Variants in CDK5RAP2 observed in about 807,000 individuals in gnomAD.
CDK5RAP2 encodes the protein CDK5 regulatory subunit associated protein 2.
CDK5RAP2 carries 147 observed loss-of-function variants against 232.9 expected under a neutral mutation model. The ratio of observed to expected loss-of-function variants is 0.63; its 90% CI spans 0.55 to 0.72. The LOEUF (loss-of-function observed/expected upper bound fraction) is 0.72, where lower values mean the gene tolerates loss of function less well. Among genes scored for constraint, CDK5RAP2 ranks in the 30% least tolerant of loss-of-function variants. The pLI is 0.00. For synonymous variants in CDK5RAP2, 833 were observed against 833.7 expected (o/e 1.00, Z 0.01); for missense variants, 2,195 against 2,231.5 (o/e 0.98, Z 0.33).
chr9:120,504,200 C>A (rs1330596917), intron 12 of CDK5RAP2, among the ~76,000 whole-genome samples: 1 of 152,002 alleles, frequency 6.6e-6, no homozygotes, highest in Non-Finnish European at 1.5e-5. Flanking sequence ...AGGGTGTGTG[C>A]AGCTTAGGGA....
At chr9:120,462,604 A>G (rs1304744588) in intron 18 of CDK5RAP2, among the ~76,000 whole-genome samples, 1 of 152,260 alleles carries the variant, frequency 6.6e-6, no homozygotes, top group Non-Finnish European at 1.5e-5. Context: ...TGCACTAACC[A>G]CATGGATGAA....
At chr9:120,558,106 G>A (rs2132105847) in intron 3 of CDK5RAP2, among the ~76,000 whole-genome samples, 1 of 143,272 alleles carries the variant, frequency 7.0e-6, no homozygotes, top group African/African-American at 2.5e-5. Context: ...TGGGCACGGT[G>A]ACTCACGCCT....
At chr9:120,391,153 G>T (rs2031931642) in intron 36 of CDK5RAP2, among the ~76,000 whole-genome samples, 1 of 152,090 alleles carries the variant, frequency 6.6e-6, no homozygotes, top group South Asian at 2.1e-4. Flanking sequence ...TCACCAAGGG[G>T]CCTGAGACCC....
In CDK5RAP2 at chr9:120,474,658, T is replaced by C. The variant is rs555661693; in HGVS notation, c.1727+2692A>G. Among the ~76,000 whole-genome samples the C allele has an allele frequency of 2.0e-3, 309 of 152,326 alleles. 1 individual carries two copies. The highest frequency in any genetic ancestry group is 3.4e-3 in the Non-Finnish European group (230 of 68,024). ...CTGCGGAACACCGGGTGTCTTAGAATGCACATTTCCACTTCTGTAATTTGG... is the reference window on the plus strand; with the variant it reads ...CTGCGGAACACCGGGTGTCTTAGAACGCACATTTCCACTTCTGTAATTTGG... On this transcript the variant is annotated intron_variant, in intron 15 of 37. Transcript: ENST00000349780.
intron 23 of CDK5RAP2, among the ~76,000 whole-genome samples, chr9:120,442,966 G>A (rs1283779688): frequency 6.6e-6 from 1 of 151,990 alleles, no homozygotes; most frequent in African/African-American, 2.4e-5. Context: ...TTTTAATGAA[G>A]GGGGAAAAAT....
At chr9:120,489,293 T>C (rs1407666376) in intron 13 of CDK5RAP2, among the ~76,000 whole-genome samples, 1 of 152,256 alleles carries the variant, frequency 6.6e-6, no homozygotes, top group Non-Finnish European at 1.5e-5. Flanking sequence ...TATCCCTCTG[T>C]TCTAAAATTT....
rs143361777 is a variant in CDK5RAP2, at chr9:120,448,068, A to C, written c.2852T>G (p.Met951Arg). Residue 951 changes from methionine (M) to arginine (R), a missense_variant, in exon 22 of 38, where the codon ATG (methionine) becomes AGG (arginine). Coordinates refer to ENST00000349780, the MANE Select transcript of CDK5RAP2 (RefSeq NM_018249.6). ...LIKPSRSLGNMYRLPATQEVV... is the reference protein window; with the variant it reads ...LIKPSRSLGNRYRLPATQEVV... Reference sequence around the variant, plus strand: ...CTCCTGGGTGGCAGGGAGACGATACATATTTCCTAATGACCGGGATGGTTT... The same window carrying C: ...CTCCTGGGTGGCAGGGAGACGATACCTATTTCCTAATGACCGGGATGGTTT... 7.4e-6 allele frequency: 12 copies of C among 1,614,046 alleles called. No individual in the cohort carries two copies. The highest frequency in any genetic ancestry group is 2.2e-5 in the East Asian group (1 of 44,894).
intron 26 of CDK5RAP2, among the ~76,000 whole-genome samples, chr9:120,420,815 AGGCTTGCTGCT>A (rs1467409449): frequency 6.6e-6 from 1 of 152,258 alleles, no homozygotes; most frequent in Non-Finnish European, 1.5e-5. Context: ...ATGGATGCAC[AGGCTTGCTGCT>A]GGCTTGCAGA....
chr9:120,500,755 TAC>T (rs1254756643), intron 12 of CDK5RAP2, among the ~76,000 whole-genome samples: 4 of 152,232 alleles, frequency 2.6e-5, no homozygotes, highest in Non-Finnish European at 5.9e-5. Flanking sequence ...AAGGTCTAGC[TAC>T]CATACTAATG....
chr9:120,434,369 T>C (rs959063072), intron 25 of CDK5RAP2, among the ~76,000 whole-genome samples: 2 of 151,408 alleles, frequency 1.3e-5, no homozygotes, highest in African/African-American at 4.9e-5. Flanking sequence ...AAGGAGAGAG[T>C]GCAGCCAGGG....
chr9:120,400,820 T>G lies in CDK5RAP2; in HGVS notation c.5373A>C (p.Glu1791Asp), dbSNP rs774322006. 7.4e-6 allele frequency: 12 copies of G among 1,614,100 alleles called. No homozygotes were observed. The African/African-American group carries it at 1.5e-4, about 20-fold the overall frequency. The change falls in exon 35 of 38, where the codon GAA (glutamate) becomes GAC (aspartate). Residue 1791 changes from glutamate to aspartate, a missense_variant. Transcript: ENST00000349780. ...SSVSTAKLTL[E>D]EAYRRLKLLW... The stretch of plus-strand genomic sequence containing the variant: ...GAAGCTTCAGCCGCCTGTAGGCCTC[T>G]TCCAGGGTCAGCTTGGCCGTGCTCA...
In CDK5RAP2 at chr9:120,409,244, CG is replaced by C; in HGVS notation, c.4486del (p.Arg1496GlyfsTer6). On this transcript the variant is annotated frameshift_variant, in exon 30 of 38. Coordinates refer to ENST00000349780, the MANE Select transcript of CDK5RAP2 (RefSeq NM_018249.6). LOFTEE classifies it high-confidence loss of function. ...RKTVSLEHLQ[R>X]EYASVKEENE... The stretch of plus-strand genomic sequence containing the variant: ...TTCTTCCTTCACGCTGGCATACTCC[CG>C]CTGAAGGTGCTCCAGGCTCACGGTC... 1 of 1,613,958 alleles carries C rather than the reference CG, an allele frequency of 6.2e-7. No individual in the cohort carries two copies. The highest frequency in any genetic ancestry group is 8.5e-7 in the Non-Finnish European group (1 of 1,179,930).
intron 20 of CDK5RAP2, among the ~76,000 whole-genome samples, chr9:120,455,636 G>A (rs1422006471): frequency 2.6e-5 from 4 of 151,944 alleles, no homozygotes; most frequent in Admixed American, 6.6e-5. Flanking sequence ...CCAGCTACTC[G>A]GGAGGCTGAG....
In CDK5RAP2 at chr9:120,514,426, G is replaced by A. The variant is rs75616522; in HGVS notation, c.1311+4001C>T. Among the ~76,000 whole-genome samples the A allele has an allele frequency of 2.8e-4, 43 of 152,174 alleles. No individual in the cohort carries two copies. The South Asian group carries it at 8.5e-3, about 30-fold the overall frequency. On this transcript the variant is annotated intron_variant, in intron 12 of 37. Transcript: ENST00000349780. ...CACAATAAGCATGTGACCCAAATTG[G>A]GATTCTCAGTACATCACCCGTCTGG...
chr9:120,400,479 T>A (rs1168373144), intron 35 of CDK5RAP2, among the ~76,000 whole-genome samples: 1 of 152,236 alleles, frequency 6.6e-6, no homozygotes, highest in Non-Finnish European at 1.5e-5. Context: ...GTGCCTCAGC[T>A]CCCTGAGTCC....
chr9:120,562,828 T>TTACTC (rs1333404527), intron 3 of CDK5RAP2, among the ~76,000 whole-genome samples: 10 of 152,084 alleles, frequency 6.6e-5, no homozygotes, highest in African/African-American at 2.4e-4. Flanking sequence ...AGCATGTTAT[T>TTACTC]TACTCCTCAC....
chr9:120,497,711 CAT>C (rs1757954700), intron 12 of CDK5RAP2, among the ~76,000 whole-genome samples: 2 of 152,306 alleles, frequency 1.3e-5, no homozygotes, highest in Admixed American at 1.3e-4. Context: ...GCCAAAAACA[CAT>C]AACCTCAATC....
intron 20 of CDK5RAP2, among the ~76,000 whole-genome samples, chr9:120,456,078 TAAAGGGA>T (rs1242591000): frequency 6.6e-6 from 1 of 151,456 alleles, no homozygotes; most frequent in African/African-American, 2.4e-5. Flanking sequence ...ATCTAAAAAA[TAAAGGGA>T]AAAAAATTCA....
chr9:120,414,076 T>C (rs2034057258), intron 28 of CDK5RAP2, among the ~76,000 whole-genome samples: 1 of 152,222 alleles, frequency 6.6e-6, no homozygotes, highest in Admixed American at 6.5e-5. Context: ...TCCCTGCCCA[T>C]TGCAGAGCTT....
Sources: gnomAD v4.1 joint callset for allele counts (sites outside exome capture counted in the v4.1 genomes callset) on GRCh38, gnomAD v4.1.1 for gene constraint, MANE v1.5 for transcripts, NCBI Gene and HGNC (gene_info 2026-07-23, HGNC 2026-07-21) for gene names.